The following GPC5 variants were observed in gnomAD, a reference collection of about 807,000 sequenced individuals.
The protein encoded by GPC5 is glypican-5.
Under a neutral mutation model 53.9 loss-of-function variants are expected in GPC5, and 47 were observed. The observed-to-expected ratio is 0.87, with a 90% confidence interval of 0.69 to 1.11. The LOEUF (loss-of-function observed/expected upper bound fraction) is 1.11, where lower values mean the gene tolerates loss of function less well. Among genes scored for constraint, GPC5 ranks in the 50% most tolerant of loss-of-function variants. GPC5 has a pLI of 0.00. For missense variants in GPC5, 748 were observed against 713.1 expected, an observed-to-expected ratio of 1.05 and a Z score of -0.56; for synonymous variants, 286 against 263.3, an observed-to-expected ratio of 1.09 and a Z score of -0.84.
intron 7 of GPC5, among the ~76,000 whole-genome samples, chr13:92,294,083 AT>A (rs2043016865): frequency 6.6e-6 from 1 of 152,060 alleles, no homozygotes; most frequent in Non-Finnish European, 1.5e-5. Context: ...ATGTTGTTGA[AT>A]TTGGTTACCT....
intron 4 of GPC5, among the ~76,000 whole-genome samples, chr13:91,752,377 G>A (rs564329290): frequency 5.9e-5 from 9 of 152,166 alleles, no homozygotes; most frequent in Admixed American, 1.3e-4. Context: ...GAGCCACCAC[G>A]CCTGGCCCCT....
intron 2 of GPC5, among the ~76,000 whole-genome samples, chr13:91,688,746 T>C (rs2035676857): frequency 6.6e-6 from 1 of 152,136 alleles, no homozygotes; most frequent in Admixed American, 6.6e-5. Flanking sequence ...ACCTAGGCTA[T>C]ATGGTATAGG....
At chr13:92,671,540 A>C (rs1886751795) in intron 7 of GPC5, among the ~76,000 whole-genome samples, 1 of 152,186 alleles carries the variant, frequency 6.6e-6, no homozygotes, top group Non-Finnish European at 1.5e-5. Flanking sequence ...GGTAGTAGGT[A>C]TTTTAAAGAG....
chr13:91,794,278 G>T (rs1241416807), intron 5 of GPC5, among the ~76,000 whole-genome samples: 1 of 152,148 alleles, frequency 6.6e-6, no homozygotes, highest in Non-Finnish European at 1.5e-5. Context: ...GATTTCTAGG[G>T]TTAGAAATTA....
intron 7 of GPC5, among the ~76,000 whole-genome samples, chr13:92,724,899 CACACACACACACAA>C (rs1018956534): frequency 1.3e-5 from 2 of 149,656 alleles, no homozygotes; most frequent in East Asian, 2.0e-4. Flanking sequence ...CACACACACA[CACACACACACACAA>C]GAAAGAAAAA....
At chr13:92,478,039 A>C (rs1334576070) in intron 7 of GPC5, among the ~76,000 whole-genome samples, 1 of 152,152 alleles carries the variant, frequency 6.6e-6, no homozygotes, top group Non-Finnish European at 1.5e-5. Flanking sequence ...CAGATAATTT[A>C]TCTCCTTATT....
chr13:91,927,326 G>A (rs1192795698), intron 6 of GPC5, among the ~76,000 whole-genome samples: 2 of 151,962 alleles, frequency 1.3e-5, no homozygotes, highest in Non-Finnish European at 1.5e-5. Flanking sequence ...ATTTTTTGCG[G>A]TCTTAATATC....
chr13:92,327,361 A>C (rs960586976), intron 7 of GPC5, among the ~76,000 whole-genome samples: 1 of 152,186 alleles, frequency 6.6e-6, no homozygotes, highest in African/African-American at 2.4e-5. Context: ...TGTGTATTAC[A>C]CATGCTTGTG....
chr13:92,260,759 G>C (rs2042760879), intron 7 of GPC5, among the ~76,000 whole-genome samples: 1 of 152,030 alleles, frequency 6.6e-6, no homozygotes, highest in Non-Finnish European at 1.5e-5. Flanking sequence ...TGTTTTCTTG[G>C]TAGAAAGACT....
intron 2 of GPC5, among the ~76,000 whole-genome samples, chr13:91,493,408 C>T (rs1375209572): frequency 6.6e-6 from 1 of 152,090 alleles, no homozygotes; most frequent in East Asian, 1.9e-4. Context: ...ACTGTAGTTA[C>T]TCTGTTGTTC....
chr13:92,545,755 T>G (rs1263440799), intron 7 of GPC5, among the ~76,000 whole-genome samples: 1 of 152,186 alleles, frequency 6.6e-6, no homozygotes, highest in African/African-American at 2.4e-5. Flanking sequence ...TTGCCCACTT[T>G]TTGATGGGGT....
intron 6 of GPC5, among the ~76,000 whole-genome samples, chr13:92,067,679 T>A (rs1184865545): frequency 7.2e-5 from 11 of 151,954 alleles, no homozygotes; most frequent in Admixed American, 7.2e-4. Context: ...CTGTCTAAAT[T>A]CAGAAATGAA....
At chr13:91,721,089 C>G (rs2036456719) in intron 3 of GPC5, among the ~76,000 whole-genome samples, 1 of 63,082 alleles carries the variant, frequency 1.6e-5, no homozygotes, top group Admixed American at 1.8e-4. Context: ...TTCTTTCTTT[C>G]TTTCTTTCTT....
intron 7 of GPC5, among the ~76,000 whole-genome samples, chr13:92,845,655 C>G (rs1023090800): frequency 2.0e-5 from 3 of 152,056 alleles, no homozygotes; most frequent in Non-Finnish European, 4.4e-5. Context: ...TAATTTTTGA[C>G]CAAATATCTG....
At chr13:92,006,993 A>C (rs1280957829) in intron 6 of GPC5, among the ~76,000 whole-genome samples, 2 of 148,938 alleles carry the variant, frequency 1.3e-5, no homozygotes, top group African/African-American at 4.9e-5. Flanking sequence ...TGCTTAGTTA[A>C]GTATTAATAA....
intron 7 of GPC5, among the ~76,000 whole-genome samples, chr13:92,742,675 G>A (rs1889136926): frequency 6.6e-6 from 1 of 152,102 alleles, no homozygotes; most frequent in African/African-American, 2.4e-5. Context: ...GTCCTGAATG[G>A]TATTACCTAG....
At chr13:92,079,068 C>G (rs1171230556) in intron 6 of GPC5, among the ~76,000 whole-genome samples, 1 of 148,346 alleles carries the variant, frequency 6.7e-6, no homozygotes, top group Non-Finnish European at 1.5e-5. Context: ...TCTTTTTTTT[C>G]GAGATGGAAT....
At chr13:92,028,109 T>G (rs1282241929) in intron 6 of GPC5, among the ~76,000 whole-genome samples, 1 of 152,268 alleles carries the variant, frequency 6.6e-6, no homozygotes, top group Middle Eastern at 3.4e-3. Flanking sequence ...GTAGAGATGC[T>G]TAGCTGACTT....
chr13:91,642,235 A>T (rs1416098449), intron 2 of GPC5, among the ~76,000 whole-genome samples: 1 of 152,248 alleles, frequency 6.6e-6, no homozygotes, highest in African/African-American at 2.4e-5. Flanking sequence ...CATTTTCTTA[A>T]AAGAGTAATC....
Sources: allele counts gnomAD v4.1 joint callset (sites outside exome capture counted in the v4.1 genomes callset), GRCh38; gene constraint gnomAD v4.1.1; transcripts MANE v1.5; gene names NCBI Gene and HGNC (gene_info 2026-07-23, HGNC 2026-07-21).